NTM: variants seen among roughly 807,000 people sequenced by gnomAD.
The protein encoded by NTM is neurotrimin, also known as IgLON family member 2.
A neutral mutation model predicts 42.1 loss-of-function variants in NTM; 13 were observed. That is an observed-to-expected ratio of 0.31 (90% confidence interval 0.20 to 0.49). NTM has a LOEUF of 0.49. Ranked by LOEUF, NTM falls within the 20% of genes least tolerant of loss-of-function variation. The pLI is 0.99. For missense variants in NTM, 373 were observed against 452.8 expected, an observed-to-expected ratio of 0.82 and a Z score of 1.60; for synonymous variants, 187 against 179.2, an observed-to-expected ratio of 1.04 and a Z score of -0.35.
intron 4 of NTM, among the ~76,000 whole-genome samples, chr11:132,274,666 G>A (rs1196202774): frequency 6.6e-6 from 1 of 152,042 alleles, no homozygotes; most frequent in African/African-American, 2.4e-5. Flanking sequence ...AAAATTTATT[G>A]GAACTTGCTT....
intron 1 of NTM, among the ~76,000 whole-genome samples, chr11:131,629,264 C>T (rs544946389): frequency 6.6e-6 from 1 of 152,128 alleles, no homozygotes; most frequent in African/African-American, 2.4e-5. Context: ...TTCTGTAGAA[C>T]AAGTACAGAA....
chr11:131,600,062 G>A (rs909763894), intron 1 of NTM, among the ~76,000 whole-genome samples: 1 of 152,214 alleles, frequency 6.6e-6, no homozygotes, highest in Non-Finnish European at 1.5e-5. Context: ...CTGAAGTTGA[G>A]CCACGTGGAG....
intron 1 of NTM, among the ~76,000 whole-genome samples, chr11:131,425,633 C>T (rs1369654881): frequency 6.6e-6 from 1 of 152,102 alleles, no homozygotes; most frequent in Admixed American, 6.6e-5. Flanking sequence ...TCAGTAGTGC[C>T]TTTGAGGGAG....
chr11:132,233,859 T>C (rs1473999923), intron 4 of NTM, among the ~76,000 whole-genome samples: 3 of 152,372 alleles, frequency 2.0e-5, no homozygotes, highest in South Asian at 2.1e-4. Context: ...CTCTGTGAAG[T>C]TGCAATGAGG....
intron 3 of NTM, among the ~76,000 whole-genome samples, chr11:132,181,093 T>G (rs565172672): frequency 3.3e-5 from 5 of 152,196 alleles, no homozygotes; most frequent in Admixed American, 6.5e-5. Context: ...TTTTCAGTAC[T>G]CTTTCTGTCA....
intron 1 of NTM, among the ~76,000 whole-genome samples, chr11:131,861,287 A>G (rs1258945151): frequency 6.6e-6 from 1 of 152,222 alleles, no homozygotes; most frequent in African/African-American, 2.4e-5. Flanking sequence ...CTTTAGACCA[A>G]TGTGACCTGT....
At chr11:131,471,940 A>G (rs576130039) in intron 1 of NTM, among the ~76,000 whole-genome samples, 1 of 152,302 alleles carries the variant, frequency 6.6e-6, no homozygotes, top group South Asian at 2.1e-4. Context: ...TATGGGAGAG[A>G]TTCCAGTGGG....
chr11:131,939,179 A>C (rs1368356938), intron 2 of NTM, among the ~76,000 whole-genome samples: 1 of 152,100 alleles, frequency 6.6e-6, no homozygotes, highest in Non-Finnish European at 1.5e-5. Flanking sequence ...GCAATATTTA[A>C]AGGTTGGAGG....
intron 2 of NTM, among the ~76,000 whole-genome samples, chr11:131,947,470 C>T (rs1028672748): frequency 2.6e-5 from 4 of 152,094 alleles, no homozygotes; most frequent in African/African-American, 9.7e-5. Context: ...TTATGAAATC[C>T]CAGCACCTAC....
At chr11:131,823,954 G>A (rs1200309926) in intron 1 of NTM, among the ~76,000 whole-genome samples, 1 of 152,180 alleles carries the variant, frequency 6.6e-6, no homozygotes, top group Non-Finnish European at 1.5e-5. Flanking sequence ...TGCAATTCAA[G>A]GCTGTGTATG....
chr11:132,071,181 A>G (rs1373499187), intron 2 of NTM, among the ~76,000 whole-genome samples: 2 of 140,458 alleles, frequency 1.4e-5, no homozygotes, highest in African/African-American at 5.2e-5. Context: ...CAGGTTAGTT[A>G]ACACGTCACA....
At chr11:131,600,261 C>A (rs1216252550) in intron 1 of NTM, among the ~76,000 whole-genome samples, 1 of 152,096 alleles carries the variant, frequency 6.6e-6, no homozygotes, top group African/African-American at 2.4e-5. Flanking sequence ...ATTCCTCATG[C>A]AGAAATGTTA....
At chr11:131,560,206 C>T (rs2056043508) in intron 1 of NTM, among the ~76,000 whole-genome samples, 2 of 152,208 alleles carry the variant, frequency 1.3e-5, no homozygotes, top group African/African-American at 4.8e-5. Context: ...TATTCAGTCA[C>T]ACTTTTTGCT....
At chr11:131,847,233 C>A (rs2045016560) in intron 1 of NTM, among the ~76,000 whole-genome samples, 1 of 152,010 alleles carries the variant, frequency 6.6e-6, no homozygotes, top group South Asian at 2.1e-4. Flanking sequence ...TAAGTGATTA[C>A]TCAATAGCAA....
Position 131,577,838 on chromosome 11 carries a change from A to C in NTM, c.82+206950A>C, listed in dbSNP as rs574287882. Among the ~76,000 whole-genome samples, 5 of 152,304 alleles carry C rather than the reference A, an allele frequency of 3.3e-5. No homozygotes were observed. The South Asian group carries it at 1.0e-3, about 32-fold the overall frequency. On this transcript the variant is annotated intron_variant, in intron 1 of 8. Transcript: ENST00000683400. ...GATTAAGTCATGTCAGACAAACCTCATTTCCTACTTTGACAGTATTCTCCA... is the reference window on the plus strand; with the variant it reads ...GATTAAGTCATGTCAGACAAACCTCCTTTCCTACTTTGACAGTATTCTCCA...
chr11:131,530,448 G>A (rs1271527389), intron 1 of NTM, among the ~76,000 whole-genome samples: 3 of 134,396 alleles, frequency 2.2e-5, no homozygotes, highest in African/African-American at 7.1e-5. Flanking sequence ...AAAAAAGACT[G>A]ACCAGTTCTT....
chr11:131,893,622 A>C (rs1300043665), intron 1 of NTM, among the ~76,000 whole-genome samples: 1 of 152,200 alleles, frequency 6.6e-6, no homozygotes, highest in Non-Finnish European at 1.5e-5. Flanking sequence ...CAGAGCTTTA[A>C]AATATCTTTC....
At chr11:132,191,653 C>A (rs1021506548) in intron 3 of NTM, among the ~76,000 whole-genome samples, 2 of 152,264 alleles carry the variant, frequency 1.3e-5, no homozygotes, top group South Asian at 4.1e-4. Context: ...ACACTAGCTA[C>A]CCAGCAATGG....
chr11:132,301,036 T>C (rs756973526), intron 4 of NTM, among the ~76,000 whole-genome samples: 35 of 152,320 alleles, frequency 2.3e-4, no homozygotes, highest in Middle Eastern at 3.4e-3. Context: ...CATACACCTC[T>C]GTATTAGTCT....
Sources: gnomAD v4.1 joint callset for allele counts (sites outside exome capture counted in the v4.1 genomes callset) on GRCh38, gnomAD v4.1.1 for gene constraint, MANE v1.5 for transcripts, NCBI Gene and HGNC (gene_info 2026-07-23, HGNC 2026-07-21) for gene names.